Variants in CERT1 observed in about 807,000 individuals in gnomAD.
CERT1 encodes ceramide transporter 1, also known as ceramide transfer protein.
Under a neutral mutation model 87.9 loss-of-function variants are expected in CERT1, and 31 were observed. The observed-to-expected ratio is 0.35, with a 90% CI of 0.27 to 0.48. The LOEUF (loss-of-function observed/expected upper bound fraction) is 0.48, where lower values mean the gene tolerates loss of function less well. Ranked by LOEUF, CERT1 falls within the 20% of genes least tolerant of loss-of-function variation. CERT1 has a pLI of 0.99. For missense variants in CERT1, 487 were observed against 758.0 expected (o/e 0.64, Z 4.20); for synonymous variants, 289 against 250.9 (o/e 1.15, Z -1.44).
intron 2 of CERT1, among the ~76,000 whole-genome samples, chr5:75,480,608 C>A (rs968391583): frequency 1.3e-5 from 2 of 152,208 alleles, no homozygotes; most frequent in Non-Finnish European, 2.9e-5. Flanking sequence ...GGTCTCCAGA[C>A]TTTTTTACTC....
intron 2 of CERT1, among the ~76,000 whole-genome samples, chr5:75,462,714 A>G (rs1180095722): frequency 6.6e-6 from 1 of 152,120 alleles, no homozygotes; most frequent in African/African-American, 2.4e-5. Context: ...CCAGGTTTAA[A>G]AAGTCATGGA....
At chr5:75,464,979 AATG>A (rs765423423) in intron 2 of CERT1, among the ~76,000 whole-genome samples, 1 of 152,148 alleles carries the variant, frequency 6.6e-6, no homozygotes, top group Non-Finnish European at 1.5e-5. Flanking sequence ...CTACAGCTAA[AATG>A]ATGGCAGGTT....
chr5:75,459,237 T>G (rs1765127222), intron 2 of CERT1, 56 bp from the exon 3 acceptor site: 3 of 1,086,776 alleles, frequency 2.8e-6, no homozygotes, highest in Admixed American at 1.7e-5. Context: ...TTAGAAGTGT[T>G]ACACCCCAAA....
At chr5:75,457,447 A>AT (rs1352103964) in intron 3 of CERT1, among the ~76,000 whole-genome samples, 2 of 152,182 alleles carry the variant, frequency 1.3e-5, no homozygotes, top group Admixed American at 1.3e-4. Flanking sequence ...GAGCATTGAG[A>AT]TTTTTTGAAT....
chr5:75,431,952 A>AC (rs2112210711), intron 3 of CERT1, among the ~76,000 whole-genome samples: 1 of 152,318 alleles, frequency 6.6e-6, no homozygotes, highest in South Asian at 2.1e-4. Flanking sequence ...ATTGCTGGTC[A>AC]AATGGTAGTT....
intron 2 of CERT1, among the ~76,000 whole-genome samples, chr5:75,503,713 G>A (rs149326267): frequency 1.5e-4 from 23 of 151,384 alleles, no homozygotes; most frequent in Non-Finnish European, 1.6e-4. Flanking sequence ...TTGTTCCTAC[G>A]CATGTCTTTT....
At chr5:75,465,011 GCT>G (rs1765400777) in intron 2 of CERT1, among the ~76,000 whole-genome samples, 1 of 152,140 alleles carries the variant, frequency 6.6e-6, no homozygotes, top group Non-Finnish European at 1.5e-5. Flanking sequence ...TGGAGTTTTA[GCT>G]CTCTCACATC....
At chr5:75,391,159 C>CG (rs1561228100) in intron 11 of CERT1, among the ~76,000 whole-genome samples, 1 of 152,160 alleles carries the variant, frequency 6.6e-6, no homozygotes, top group Non-Finnish European at 1.5e-5. Context: ...GTCTCGCCAT[C>CG]TGGCCCAGGC....
At chr5:75,383,112 G>A (rs3761742) in intron 14 of CERT1, among the ~76,000 whole-genome samples, 35,359 of 151,914 alleles carry the variant, frequency 0.23, 4,258 homozygotes, top group South Asian at 0.43. Context: ...GAGGGAATGG[G>A]GAGTTGTTGC....
chr5:75,502,053 T>C (rs1443503104), intron 2 of CERT1, among the ~76,000 whole-genome samples: 1 of 151,838 alleles, frequency 6.6e-6, no homozygotes, highest in African/African-American at 2.4e-5. Flanking sequence ...AGTGACAATG[T>C]GGGGGAAAAT....
In CERT1 at chr5:75,416,310, T is replaced by C. The variant is rs141388523; in HGVS notation, c.837+566A>G. ...TCTAAAGCTGAATTATAAATAGAAG[T>C]TTTCCTACTTAACAAATCCACTGAG... is the stretch of plus-strand genomic sequence containing the variant. On this transcript the variant is annotated intron_variant, in intron 7 of 16. Transcript: ENST00000643780. Among the ~76,000 whole-genome samples the C allele has an allele frequency of 3.9e-5, 6 of 152,244 alleles. No individual in the cohort carries two copies. The East Asian group carries it at 9.7e-4, about 25-fold the overall frequency.
At chr5:75,452,483 G>A (rs1320218422) in intron 3 of CERT1, among the ~76,000 whole-genome samples, 2 of 152,136 alleles carry the variant, frequency 1.3e-5, no homozygotes, top group African/African-American at 2.4e-5. Context: ...CTAGTTTTAG[G>A]GATTTGAAGG....
At chr5:75,419,469 A>C in intron 5 of CERT1, 45 bp from the exon 6 acceptor site, 9 of 1,257,514 alleles carry the variant, frequency 7.2e-6, no homozygotes, top group Non-Finnish European at 1.0e-5. Flanking sequence ...AAGAAATAGA[A>C]ATTAATGTCT....
chr5:75,488,399 G>T (rs1394450589), intron 2 of CERT1, among the ~76,000 whole-genome samples: 1 of 151,820 alleles, frequency 6.6e-6, no homozygotes, highest in African/African-American at 2.4e-5. Flanking sequence ...ATAGTAACTT[G>T]AAAATGTTGT....
At chr5:75,486,931 C>T (rs1374614382) in intron 2 of CERT1, among the ~76,000 whole-genome samples, 1 of 152,082 alleles carries the variant, frequency 6.6e-6, no homozygotes, top group Non-Finnish European at 1.5e-5. Flanking sequence ...AGATTTGATG[C>T]AATCCCTATC....
At chr5:75,476,329 T>C (rs1580824652) in intron 2 of CERT1, among the ~76,000 whole-genome samples, 2 of 152,308 alleles carry the variant, frequency 1.3e-5, no homozygotes, top group East Asian at 3.9e-4. Context: ...ATTGTGATTT[T>C]TTTTTTTGCA....
chr5:75,490,791 C>A (rs1405024276), intron 2 of CERT1, among the ~76,000 whole-genome samples: 1 of 152,160 alleles, frequency 6.6e-6, no homozygotes, highest in East Asian at 1.9e-4. Context: ...AGCCACTGTG[C>A]CCAGCCTAAA....
At chr5:75,441,723 G>A (rs1375658343) in intron 3 of CERT1, among the ~76,000 whole-genome samples, 1 of 152,154 alleles carries the variant, frequency 6.6e-6, no homozygotes, top group Non-Finnish European at 1.5e-5. Context: ...TCACGCTTCA[G>A]TAGCATGTGG....
At chr5:75,460,395 C>G (rs1765174882) in intron 2 of CERT1, among the ~76,000 whole-genome samples, 1 of 152,178 alleles carries the variant, frequency 6.6e-6, no homozygotes, top group Admixed American at 6.6e-5. Context: ...ATAAGATCTA[C>G]ATGAGCTATC....
Sources: allele counts gnomAD v4.1 joint callset (sites outside exome capture counted in the v4.1 genomes callset), GRCh38; gene constraint gnomAD v4.1.1; transcripts MANE v1.5; gene names NCBI Gene and HGNC (gene_info 2026-07-23, HGNC 2026-07-21).